The following PKIB variants were observed in gnomAD, a reference collection of about 807,000 sequenced individuals.
PKIB encodes the protein PKI-beta.
Under a neutral mutation model 4.5 loss-of-function variants are expected in PKIB, and 2 were observed. The ratio of observed to expected loss-of-function variants is 0.44; its 90% CI spans 0.18 to 1.39. PKIB has a LOEUF of 1.39. Among genes scored for constraint, PKIB ranks in the 40% most tolerant of loss-of-function variants. The pLI, the probability that PKIB is intolerant of heterozygous loss-of-function variation, is 0.27. For missense variants in PKIB, 94 were observed against 92.6 expected, an observed-to-expected ratio of 1.02 and a Z score of -0.06; for synonymous variants, 38 against 36.0, an observed-to-expected ratio of 1.06 and a Z score of -0.20.
chr6:122,545,181 C>T (rs1276437113), intron 2 of PKIB, among the ~76,000 whole-genome samples: 1 of 152,040 alleles, frequency 6.6e-6, no homozygotes, highest in Non-Finnish European at 1.5e-5. Context: ...CAAAAAGACA[C>T]ATGCACATAT....
At chr6:122,575,820 G>A (rs1168134634) in intron 2 of PKIB, among the ~76,000 whole-genome samples, 1 of 152,022 alleles carries the variant, frequency 6.6e-6, no homozygotes, top group African/African-American at 2.4e-5. Flanking sequence ...GTACTGCTTG[G>A]GTGACAAGTG....
intron 2 of PKIB, among the ~76,000 whole-genome samples, chr6:122,523,637 G>A (rs1009385319): frequency 7.9e-5 from 12 of 152,098 alleles, no homozygotes; most frequent in Non-Finnish European, 1.5e-4. Flanking sequence ...ACAAAAATTA[G>A]TGGGGCATGG....
chr6:122,584,033 G>A (rs1476524876), intron 2 of PKIB, among the ~76,000 whole-genome samples: 4 of 152,092 alleles, frequency 2.6e-5, no homozygotes, highest in Non-Finnish European at 5.9e-5. Flanking sequence ...TATTTTTCTG[G>A]TAGCTGAATT....
Position 122,725,319 on chromosome 6 carries a change from T to C in PKIB, c.*124T>C, listed in dbSNP as rs1779913998. 1.4e-6 allele frequency: 1 copy of C among 725,856 alleles called. No homozygotes were observed. 45.0% of individuals were successfully genotyped at this position (725,856 alleles called of 1,614,324 possible). A position where few individuals can be genotyped will look rare whatever the true frequency, so the allele number is the denominator to read the frequency against. ...ATTGCAGCCCTAAGCAGCATGTGTA[T>C]ATTAGATAATTGTGTTGTGATGCTA... On this transcript the variant is annotated 3_prime_UTR_variant, in exon 5 of 5. Transcript: ENST00000368452.
intron 4 of PKIB, among the ~76,000 whole-genome samples, chr6:122,722,225 G>A (rs551425570): frequency 6.6e-6 from 1 of 151,910 alleles, no homozygotes; most frequent in Non-Finnish European, 1.5e-5. Context: ...ATAACCTCTT[G>A]AGCAGATTAT....
intron 1 of PKIB, among the ~76,000 whole-genome samples, chr6:122,473,504 T>A (rs1229796449): frequency 2.0e-5 from 3 of 152,172 alleles, no homozygotes; most frequent in Non-Finnish European, 2.9e-5. Context: ...TTAAAAAAAA[T>A]TTACTTTTAT....
chr6:122,538,132 T>C (rs955456462), intron 2 of PKIB, among the ~76,000 whole-genome samples: 42 of 152,096 alleles, frequency 2.8e-4, no homozygotes, highest in Non-Finnish European at 8.8e-5. Context: ...GTAGGTTACC[T>C]GTTCACTCTG....
chr6:122,644,323 A>G (rs1401360782), intron 2 of PKIB: 1 of 152,232 alleles, frequency 6.6e-6, no homozygotes, highest in East Asian at 1.9e-4. Context: ...TGGAAACAGC[A>G]TGAGACAGTG....
intron 2 of PKIB, among the ~76,000 whole-genome samples, chr6:122,502,867 G>T (rs964369005): frequency 1.2e-4 from 18 of 152,196 alleles, no homozygotes; most frequent in African/African-American, 4.3e-4. Context: ...CCTTGAAAGA[G>T]TCAGTCAAGA....
At chr6:122,662,334 T>C (rs1457073846) in intron 2 of PKIB, among the ~76,000 whole-genome samples, 2 of 136,234 alleles carry the variant, frequency 1.5e-5, no homozygotes, top group African/African-American at 5.5e-5. Flanking sequence ...TTTTTTTTTT[T>C]TTTGGAGATT....
chr6:122,656,294 G>A (rs1444675214), intron 2 of PKIB, among the ~76,000 whole-genome samples: 2 of 152,144 alleles, frequency 1.3e-5, no homozygotes, highest in Non-Finnish European at 2.9e-5. Context: ...TCAGAGAATA[G>A]TAACAATTCT....
At chr6:122,518,941 TAGAA>T (rs1187403413) in intron 2 of PKIB, among the ~76,000 whole-genome samples, 3 of 152,108 alleles carry the variant, frequency 2.0e-5, no homozygotes, top group African/African-American at 7.2e-5. Flanking sequence ...TAAGATGAAA[TAGAA>T]AGATGCCTCA....
At chr6:122,680,645 A>G (rs1041705438) in intron 3 of PKIB, among the ~76,000 whole-genome samples, 4 of 152,168 alleles carry the variant, frequency 2.6e-5, no homozygotes, top group African/African-American at 9.7e-5. Flanking sequence ...GCAGGCCAAG[A>G]TCAAAGAAAA....
At chr6:122,487,275 T>G (rs1245302385) in intron 2 of PKIB, among the ~76,000 whole-genome samples, 1 of 152,230 alleles carries the variant, frequency 6.6e-6, no homozygotes, top group African/African-American at 2.4e-5. Context: ...CAGTCTTTTC[T>G]TTCATGACCT....
intron 3 of PKIB, among the ~76,000 whole-genome samples, chr6:122,693,705 A>G (rs1352134076): frequency 6.6e-6 from 1 of 152,198 alleles, no homozygotes; most frequent in Non-Finnish European, 1.5e-5. Context: ...CTTGGAAAGC[A>G]CTCAATGAAT....
At chr6:122,703,775 C>T (rs1049717986) in intron 3 of PKIB, among the ~76,000 whole-genome samples, 2 of 150,312 alleles carry the variant, frequency 1.3e-5, no homozygotes, top group African/African-American at 4.9e-5. Flanking sequence ...TATATACATA[C>T]ACACACATAT....
At chr6:122,543,461 C>A (rs939102002) in intron 2 of PKIB, among the ~76,000 whole-genome samples, 1 of 150,964 alleles carries the variant, frequency 6.6e-6, no homozygotes, top group African/African-American at 2.4e-5. Flanking sequence ...CTCACTGCAA[C>A]CTCCACCTCC....
intron 1 of PKIB, among the ~76,000 whole-genome samples, chr6:122,628,764 C>A (rs6914480): frequency 0.34 from 51,283 of 152,034 alleles, 9,403 homozygotes; most frequent in Middle Eastern, 0.44. Context: ...TCCTTATAAC[C>A]TAGCCTGACC....
At chr6:122,553,498 T>TTTTTTTTTTTTTTG in intron 2 of PKIB, among the ~76,000 whole-genome samples, 1 of 142,486 alleles carries the variant, frequency 7.0e-6, no homozygotes, top group Non-Finnish European at 1.5e-5. Context: ...TTTTTTTTTT[T>TTTTTTTTTTTTTTG]TTTTTCTGAA....
Sources: gnomAD v4.1 joint callset for allele counts (sites outside exome capture counted in the v4.1 genomes callset) on GRCh38, gnomAD v4.1.1 for gene constraint, MANE v1.5 for transcripts, NCBI Gene and HGNC (gene_info 2026-07-23, HGNC 2026-07-21) for gene names.